RPIA: variants seen among roughly 807,000 people sequenced by gnomAD.
RPIA encodes ribose-5-phosphate isomerase.
RPIA carries 29 observed loss-of-function variants against 37.8 expected under a neutral mutation model. That is an observed-to-expected ratio of 0.77 (90% CI 0.57 to 1.05). The LOEUF (loss-of-function observed/expected upper bound fraction) is 1.05, where lower values mean the gene tolerates loss of function less well. Among genes scored for constraint, RPIA ranks in the 50% least tolerant of loss-of-function variants. RPIA has a pLI of 0.00. For synonymous variants in RPIA, 167 were observed against 157.0 expected (o/e 1.06, Z -0.48); for missense variants, 385 against 413.6 (o/e 0.93, Z 0.60).
intron 2 of RPIA, 94 bp from the exon 3 acceptor site, chr2:88,699,915 C>G: frequency 2.2e-6 from 3 of 1,339,892 alleles, no homozygotes; most frequent in Non-Finnish European, 3.2e-6. Context: ...GGAAATAGAC[C>G]TTCCCTTGTC....
At chr2:88,737,257 C>G (rs540561776) in intron 7 of RPIA, among the ~76,000 whole-genome samples, 2 of 152,154 alleles carry the variant, frequency 1.3e-5, no homozygotes, top group Non-Finnish European at 2.9e-5. Flanking sequence ...GCAAAGACAG[C>G]AATCCAGAAG....
At chr2:88,725,854 A>G (rs1673190446) in intron 3 of RPIA, among the ~76,000 whole-genome samples, 2 of 152,136 alleles carry the variant, frequency 1.3e-5, no homozygotes, top group African/African-American at 4.8e-5. Flanking sequence ...ACAGGTTGGG[A>G]GAAGGGAGAG....
chr2:88,715,375 C>T (rs766865623), intron 3 of RPIA, among the ~76,000 whole-genome samples: 26 of 152,144 alleles, frequency 1.7e-4, no homozygotes, highest in Non-Finnish European at 3.2e-4. Flanking sequence ...AAATCATAAG[C>T]AATTCTTAAA....
At chr2:88,710,234 C>T (rs921463511) in intron 3 of RPIA, among the ~76,000 whole-genome samples, 2 of 151,948 alleles carry the variant, frequency 1.3e-5, no homozygotes, top group Admixed American at 6.6e-5. Flanking sequence ...TTTGTAGAGA[C>T]GATGTCTCAC....
chr2:88,708,666 T>C (rs1362846968), intron 3 of RPIA, among the ~76,000 whole-genome samples: 1 of 152,170 alleles, frequency 6.6e-6, no homozygotes, highest in African/African-American at 2.4e-5. Context: ...ATTGATGTTA[T>C]CCAAGAGAAG....
intron 3 of RPIA, among the ~76,000 whole-genome samples, chr2:88,725,135 C>G (rs1367241414): frequency 1.3e-5 from 2 of 152,082 alleles, no homozygotes; most frequent in Non-Finnish European, 2.9e-5. Flanking sequence ...AAGAGGCAGG[C>G]AGGGGTGTTT....
At chr2:88,734,250 C>T (rs1247860894) in intron 4 of RPIA, among the ~76,000 whole-genome samples, 1 of 152,142 alleles carries the variant, frequency 6.6e-6, no homozygotes, top group Non-Finnish European at 1.5e-5. Flanking sequence ...AGCACCCACA[C>T]TGAGAACACG....
intron 8 of RPIA, among the ~76,000 whole-genome samples, chr2:88,741,229 A>C (rs1339929348): frequency 1.3e-5 from 2 of 152,070 alleles, no homozygotes; most frequent in East Asian, 3.9e-4. Context: ...CTTTCCCCTG[A>C]GTCCCCAGAG....
Position 88,750,713 on chromosome 2 carries a change from A to C in RPIA, c.*635A>C, listed in dbSNP as rs150350485. ...TTTGCTAAGATCTGGGGGTTTCTTC[A>C]TATTCCTGCTGTTGGAAGCAGTTGA... On this transcript the variant is annotated 3_prime_UTR_variant, in exon 9 of 9. Transcript: ENST00000283646. 1 of 399,054 alleles carries C rather than the reference A, an allele frequency of 2.5e-6. No homozygotes were observed. Among genetic ancestry groups the C allele is most frequent in the Admixed American group, 4.4e-5 (1 of 22,740 alleles). The allele number at this position is 399,054 out of a possible 1,614,324, so 24.7% of individuals were successfully genotyped here.
Position 88,734,555 on chromosome 2 carries a change from G to T in RPIA, c.466G>T (p.Asp156Tyr). 2 of 1,614,084 alleles carry T rather than the reference G, an allele frequency of 1.2e-6. No individual in the cohort carries two copies. The highest frequency in any genetic ancestry group is 1.1e-5 in the South Asian group (1 of 91,062). ...LSDLDRHPEI[D>Y]LAIDGADEVD... is the part of the protein sequence containing the mutation. ...CTTTACCTTTCCCCCAATACAGATC[G>T]ACCTTGCCATCGATGGTGCTGATGA... The change falls in exon 5 of 9, where the codon GAC becomes TAC. Residue 156 changes from aspartate to tyrosine, a missense_variant. Asp to Tyr is a radical substitution (Grantham distance 160). Transcript: ENST00000283646.
chr2:88,697,873 T>C (rs1292743460), intron 1 of RPIA, among the ~76,000 whole-genome samples: 2 of 152,116 alleles, frequency 1.3e-5, no homozygotes. Context: ...ATCTGCTGAC[T>C]TTGGGAGAGC....
chr2:88,742,295 G>A (rs1215679997), intron 8 of RPIA, among the ~76,000 whole-genome samples: 2 of 152,126 alleles, frequency 1.3e-5, no homozygotes, highest in African/African-American at 4.8e-5. Context: ...AGCACCATTT[G>A]TTGAATAGGG....
intron 1 of RPIA, among the ~76,000 whole-genome samples, chr2:88,693,409 C>T (rs1558686293): frequency 6.6e-6 from 1 of 152,176 alleles, no homozygotes; most frequent in Non-Finnish European, 1.5e-5. Flanking sequence ...TTTGGGGGCA[C>T]CTGTTAAAAT....
rs539662341 is a variant in RPIA, at chr2:88,727,184, G to C, written c.403-2094G>C. ...GCCTTACCCCTGCCCTCCCTCTGCA[G>C]CGTTCTCTGTAAACTAATCTCAGAA... is the stretch of plus-strand genomic sequence containing the variant. On this transcript the variant is annotated intron_variant, in intron 3 of 8. Coordinates refer to ENST00000283646, the MANE Select transcript of RPIA (RefSeq NM_144563.3). Among the ~76,000 whole-genome samples the C allele has an allele frequency of 4.8e-4, 73 of 152,348 alleles. 2 individuals carry two copies. The highest frequency in any genetic ancestry group is 3.4e-3 in the Middle Eastern group (1 of 294).
At chr2:88,717,611 C>G (rs13414779) in intron 3 of RPIA, among the ~76,000 whole-genome samples, 9,830 of 152,186 alleles carry the variant, frequency 0.065, 570 homozygotes, top group African/African-American at 0.15. Context: ...CAGGTTTGCC[C>G]TAAGCAGTTC....
At chr2:88,707,808 G>T (rs574055463) in intron 3 of RPIA, among the ~76,000 whole-genome samples, 1 of 152,180 alleles carries the variant, frequency 6.6e-6, no homozygotes. Context: ...GTAACATAGT[G>T]ATCTATTTGT....
intron 3 of RPIA, among the ~76,000 whole-genome samples, chr2:88,703,870 G>T (rs890747957): frequency 2.0e-5 from 3 of 152,150 alleles, no homozygotes; most frequent in Non-Finnish European, 4.4e-5. Flanking sequence ...AAAACTGAAT[G>T]CTTTTAACAG....
intron 3 of RPIA, among the ~76,000 whole-genome samples, chr2:88,704,720 C>T (rs533708459): frequency 3.8e-4 from 58 of 152,216 alleles, no homozygotes; most frequent in African/African-American, 1.2e-3. Context: ...AAGTTCTGGC[C>T]GGGGCCATCA....
At chr2:88,714,116 T>G (rs1238307780) in intron 3 of RPIA, among the ~76,000 whole-genome samples, 2 of 152,130 alleles carry the variant, frequency 1.3e-5, no homozygotes, top group African/African-American at 4.8e-5. Flanking sequence ...GTTGGATTGT[T>G]TGGTCTATTA....
Sources: gnomAD v4.1 joint callset for allele counts (sites outside exome capture counted in the v4.1 genomes callset) on GRCh38, gnomAD v4.1.1 for gene constraint, MANE v1.5 for transcripts, NCBI Gene and HGNC (gene_info 2026-07-23, HGNC 2026-07-21) for gene names.